Variants in CSMD1 observed in about 807,000 individuals in gnomAD.
CSMD1 encodes CUB and sushi domain-containing protein 1.
CSMD1 carries 213 observed loss-of-function variants against 417.5 expected under a neutral mutation model. That is an observed-to-expected ratio of 0.51 (90% confidence interval 0.46 to 0.57). The LOEUF (loss-of-function observed/expected upper bound fraction) is 0.57. Ranked by LOEUF, CSMD1 falls within the 20% of genes least tolerant of loss-of-function variation. The probability of loss-of-function intolerance (pLI) is 0.00; values close to 1 mark genes in which losing one functional copy is unlikely to be tolerated. For missense variants in CSMD1, 6,923 were observed against 4,529.7 expected (o/e 1.53, Z -15.17); for synonymous variants, 2,862 against 1,736.8 (o/e 1.65, Z -16.11).
chr8:3,547,130 A>C (rs1585341829), intron 10 of CSMD1, among the ~76,000 whole-genome samples: 2 of 152,162 alleles, frequency 1.3e-5, no homozygotes, highest in East Asian at 3.9e-4. Context: ...GCTGCCATTC[A>C]CACAGGCTCC....
At chr8:4,522,039 C>G (rs1483526499) in intron 2 of CSMD1, among the ~76,000 whole-genome samples, 1 of 152,118 alleles carries the variant, frequency 6.6e-6, no homozygotes. Flanking sequence ...GTCATTGATA[C>G]GGTTTGGCTG....
intron 25 of CSMD1, among the ~76,000 whole-genome samples, chr8:3,305,955 C>G (rs1232683538): frequency 1.3e-5 from 2 of 152,168 alleles, no homozygotes; most frequent in East Asian, 1.9e-4. Context: ...GCTGGGATTA[C>G]AGGCATGAGC....
intron 3 of CSMD1, among the ~76,000 whole-genome samples, chr8:4,284,554 C>A (rs371917921): frequency 2.6e-5 from 4 of 152,150 alleles, no homozygotes; most frequent in East Asian, 3.9e-4. Flanking sequence ...CATATGCCAG[C>A]CCCAACGTTT....
At chr8:4,337,460 A>G (rs1800235862) in intron 3 of CSMD1, among the ~76,000 whole-genome samples, 1 of 152,084 alleles carries the variant, frequency 6.6e-6, no homozygotes, top group Non-Finnish European at 1.5e-5. Flanking sequence ...TTTGCAAACC[A>G]CACTGTGATG....
intron 2 of CSMD1, among the ~76,000 whole-genome samples, chr8:4,573,867 C>A (rs568686613): frequency 1.3e-5 from 2 of 152,146 alleles, no homozygotes; most frequent in African/African-American, 4.8e-5. Flanking sequence ...GTGGCTTTGC[C>A]GTGCAGTGGT....
chr8:3,754,330 A>T (rs999272853), intron 5 of CSMD1, among the ~76,000 whole-genome samples: 14 of 152,168 alleles, frequency 9.2e-5, no homozygotes, highest in African/African-American at 3.1e-4. Flanking sequence ...TTGATCTCTT[A>T]GTTCTTTTCA....
intron 3 of CSMD1, among the ~76,000 whole-genome samples, chr8:4,401,388 A>G (rs1804634199): frequency 6.6e-6 from 1 of 152,192 alleles, no homozygotes; most frequent in South Asian, 2.1e-4. Flanking sequence ...GGTGTATCAG[A>G]TGTTAGTTGT....
At chr8:4,301,985 GAT>G (rs1308069027) in intron 3 of CSMD1, among the ~76,000 whole-genome samples, 3 of 152,136 alleles carry the variant, frequency 2.0e-5, no homozygotes, top group Non-Finnish European at 4.4e-5. Context: ...ATCCTGTTCA[GAT>G]ATGTTAGAAC....
At chr8:4,692,817 C>G (rs181390842) in intron 1 of CSMD1, among the ~76,000 whole-genome samples, 1 of 152,314 alleles carries the variant, frequency 6.6e-6, no homozygotes, top group East Asian at 1.9e-4. Flanking sequence ...TTTTAAATTT[C>G]TACCATAGCA....
chr8:3,400,043 G>T (rs1048379961), intron 15 of CSMD1, among the ~76,000 whole-genome samples: 1 of 152,128 alleles, frequency 6.6e-6, no homozygotes, highest in Non-Finnish European at 1.5e-5. Context: ...AAAACAAAAT[G>T]TTCAATCAAA....
intron 8 of CSMD1, among the ~76,000 whole-genome samples, chr8:3,607,480 T>C (rs1404607618): frequency 1.3e-5 from 2 of 152,212 alleles, no homozygotes; most frequent in Admixed American, 6.5e-5. Flanking sequence ...TTATCAAGTA[T>C]GTGCTAGCCT....
At chr8:4,315,230 C>G (rs182563104) in intron 3 of CSMD1, among the ~76,000 whole-genome samples, 1 of 152,118 alleles carries the variant, frequency 6.6e-6, no homozygotes, top group African/African-American at 2.4e-5. Context: ...AAAGGAAAGC[C>G]CAGCTCTGGC....
chr8:4,085,569 G>C (rs918520534), intron 3 of CSMD1, among the ~76,000 whole-genome samples: 3 of 152,130 alleles, frequency 2.0e-5, no homozygotes, highest in Non-Finnish European at 2.9e-5. Flanking sequence ...CTAGGAAGAA[G>C]AATATGAAAG....
At chr8:3,532,172 A>T (rs929497536) in intron 10 of CSMD1, among the ~76,000 whole-genome samples, 1 of 152,164 alleles carries the variant, frequency 6.6e-6, no homozygotes, top group East Asian at 1.9e-4. Flanking sequence ...CTCCTATGAA[A>T]TTTCTGCTCT....
At chr8:3,525,197 C>T (rs1170873539) in intron 10 of CSMD1, among the ~76,000 whole-genome samples, 3 of 152,134 alleles carry the variant, frequency 2.0e-5, no homozygotes. Flanking sequence ...ACTCAGCCGT[C>T]AGAAATCATT....
chr8:3,287,501 C>T lies in CSMD1; in HGVS notation c.3951-3155G>A, dbSNP rs201756945. Among the ~76,000 whole-genome samples, 8 of 151,962 alleles carry T rather than the reference C, an allele frequency of 5.3e-5. No individual in the cohort carries two copies. The East Asian group carries it at 7.8e-4, about 15-fold the overall frequency. Reference sequence around the variant, plus strand: ...CTTGAGCAGTGGTTTGTAGTTCTCCCTGAAGAGGTCCTTCACATCCCTTGT... The same window carrying T: ...CTTGAGCAGTGGTTTGTAGTTCTCCTTGAAGAGGTCCTTCACATCCCTTGT... On this transcript the variant is annotated intron_variant, in intron 25 of 69. Transcript: ENST00000635120.
At chr8:3,381,270 G>GAA (rs11439047) in intron 18 of CSMD1, among the ~76,000 whole-genome samples, 1 of 145,728 alleles carries the variant, frequency 6.9e-6, no homozygotes, top group East Asian at 2.0e-4. Flanking sequence ...CTACCCACAT[G>GAA]AAAAAAAAAA....
chr8:3,405,824 C>T (rs1468271483), intron 15 of CSMD1, among the ~76,000 whole-genome samples: 1 of 152,178 alleles, frequency 6.6e-6, no homozygotes, highest in Non-Finnish European at 1.5e-5. Context: ...TCCAGAAGGA[C>T]CCCACCCTGC....
intron 1 of CSMD1, among the ~76,000 whole-genome samples, chr8:4,680,260 G>A (rs1352613090): frequency 6.6e-6 from 1 of 152,126 alleles, no homozygotes; most frequent in Non-Finnish European, 1.5e-5. Context: ...AAAAATACAT[G>A]TTATGTTATC....
Sources: gnomAD v4.1 joint callset for allele counts (sites outside exome capture counted in the v4.1 genomes callset) on GRCh38, gnomAD v4.1.1 for gene constraint, MANE v1.5 for transcripts, NCBI Gene and HGNC (gene_info 2026-07-23, HGNC 2026-07-21) for gene names.